PAK5: variants seen among roughly 807,000 people sequenced by gnomAD.
The protein encoded by PAK5 is serine/threonine-protein kinase PAK 5.
In PAK5, 16 loss-of-function variants were observed where a neutral mutation model predicts 65.9. That is an observed-to-expected ratio of 0.24 (90% confidence interval 0.16 to 0.37). PAK5 has a LOEUF of 0.37. PAK5 is among the 10% of genes least tolerant of loss of function. The pLI is 1.00. For synonymous variants in PAK5, 371 were observed against 354.9 expected (o/e 1.05, Z -0.51); for missense variants, 785 against 903.9 (o/e 0.87, Z 1.69).
chr20:9,739,724 A>G lies in PAK5; in HGVS notation c.-161-28289T>C, dbSNP rs73245022. Among the ~76,000 whole-genome samples the G allele has an allele frequency of 7.0e-3, 1,063 of 152,282 alleles. 15 individuals are homozygous for G. Among genetic ancestry groups the G allele is most frequent in the African/African-American group, 0.023 (948 of 41,556 alleles). ...TTGAATAATCAATAATTTTCCAAGCATAATTTGAGAGAATACAAGACTGAC... is the reference window on the plus strand; with the variant it reads ...TTGAATAATCAATAATTTTCCAAGCGTAATTTGAGAGAATACAAGACTGAC... On this transcript the variant is annotated intron_variant, in intron 1 of 9. Coordinates refer to ENST00000353224, the MANE Select transcript of PAK5 (RefSeq NM_177990.4).
chr20:9,755,528 C>T (rs1176623303), intron 1 of PAK5, among the ~76,000 whole-genome samples: 1 of 152,118 alleles, frequency 6.6e-6, no homozygotes, highest in African/African-American at 2.4e-5. Flanking sequence ...AAGTTTATGC[C>T]ATGAAGATGA....
intron 2 of PAK5, among the ~76,000 whole-genome samples, chr20:9,700,772 T>A (rs938002784): frequency 1.1e-4 from 17 of 152,164 alleles, no homozygotes; most frequent in African/African-American, 3.6e-4. Context: ...TTGAAACTCA[T>A]CCATCTCAAG....
intron 6 of PAK5, among the ~76,000 whole-genome samples, chr20:9,562,688 AG>A (rs2045609370): frequency 6.6e-6 from 1 of 152,168 alleles, no homozygotes; most frequent in Admixed American, 6.6e-5. Context: ...TGTCCTTCTG[AG>A]GGCAGGGAGA....
chr20:9,766,418 T>A lies in PAK5; in HGVS notation c.-161-54983A>T, dbSNP rs1324460184. ...TATATATTCAAGCAGAATATATATG[T>A]ATATATATATTCAAGCAGAATATAT... On this transcript the variant is annotated intron_variant, in intron 1 of 9. Transcript: ENST00000353224. 2.8e-3 allele frequency among the ~76,000 whole-genome samples: 121 copies of A among 43,168 alleles called. 6 individuals are homozygous for A. Among genetic ancestry groups the A allele is most frequent in the African/African-American group, 0.011 (58 of 5,464 alleles). The allele number at this position is 43,168 out of a possible 152,430, so 28.3% of individuals were successfully genotyped here. A position where few individuals can be genotyped will look rare whatever the true frequency, so the allele number is the denominator to read the frequency against.
At chr20:9,828,966 T>G (rs996615958) in intron 1 of PAK5, among the ~76,000 whole-genome samples, 1 of 152,152 alleles carries the variant, frequency 6.6e-6, no homozygotes, top group East Asian at 1.9e-4. Flanking sequence ...AATAGGGTAA[T>G]AGAAGAGTAG....
At chr20:9,590,553 G>A (rs2046150962) in intron 3 of PAK5, among the ~76,000 whole-genome samples, 1 of 150,964 alleles carries the variant, frequency 6.6e-6, no homozygotes, top group Non-Finnish European at 1.5e-5. Flanking sequence ...GCTGAACCCT[G>A]ATCTAGATAC....
At chr20:9,565,827 A>G in intron 5 of PAK5, 66 bp downstream of exon 5, 1 of 1,474,368 alleles carries the variant, frequency 6.8e-7, no homozygotes, top group Non-Finnish European at 9.3e-7. Context: ...GTACATGTGT[A>G]TAACTTTTGA....
intron 2 of PAK5, among the ~76,000 whole-genome samples, chr20:9,662,040 T>C (rs2047353751): frequency 6.6e-6 from 1 of 152,148 alleles, no homozygotes; most frequent in Admixed American, 6.5e-5. Flanking sequence ...AGCTTGGGGT[T>C]TATCTGTAGA....
chr20:9,594,982 G>GAT (rs1400465353), intron 3 of PAK5, among the ~76,000 whole-genome samples: 8 of 151,720 alleles, frequency 5.3e-5, no homozygotes, highest in African/African-American at 9.7e-5. Flanking sequence ...AGAATTTACT[G>GAT]ATATATATAA....
chr20:9,778,124 T>G (rs1040416156), intron 1 of PAK5, among the ~76,000 whole-genome samples: 3 of 152,228 alleles, frequency 2.0e-5, no homozygotes, highest in Non-Finnish European at 4.4e-5. Context: ...TTTAATTCAT[T>G]GATTTGGGTC....
In PAK5 at chr20:9,648,920, T is replaced by C. The variant is rs536805478; in HGVS notation, c.-11-4581A>G. On this transcript the variant is annotated intron_variant, in intron 2 of 9. Coordinates refer to ENST00000353224, the MANE Select transcript of PAK5 (RefSeq NM_177990.4). Reference sequence around the variant, plus strand: ...TCTGAGAAATTACAAACTGTGTCACTGAGCAGGTGAAGCTGAGCAGCCTCT... The same window carrying C: ...TCTGAGAAATTACAAACTGTGTCACCGAGCAGGTGAAGCTGAGCAGCCTCT... Among the ~76,000 whole-genome samples, 6 of 152,256 alleles carry C rather than the reference T, an allele frequency of 3.9e-5. No homozygotes were observed. The South Asian group carries it at 1.0e-3, about 26-fold the overall frequency.
At chr20:9,775,745 C>A (rs2048881015) in intron 1 of PAK5, among the ~76,000 whole-genome samples, 1 of 152,114 alleles carries the variant, frequency 6.6e-6, no homozygotes, top group African/African-American at 2.4e-5. Flanking sequence ...ACATACTTTT[C>A]TTTTAGACAG....
chr20:9,651,329 G>A (rs1010539452), intron 2 of PAK5, among the ~76,000 whole-genome samples: 19 of 152,154 alleles, frequency 1.2e-4, no homozygotes, highest in South Asian at 4.1e-4. Flanking sequence ...AGGATTTTAG[G>A]GAATGGAGTA....
intron 2 of PAK5, among the ~76,000 whole-genome samples, chr20:9,658,765 A>G (rs2047304318): frequency 6.6e-6 from 1 of 152,218 alleles, no homozygotes; most frequent in South Asian, 2.1e-4. Context: ...GCTAATTTCA[A>G]GCTACCAATG....
chr20:9,547,795 AT>A (rs1180672042), intron 7 of PAK5, among the ~76,000 whole-genome samples: 2 of 152,076 alleles, frequency 1.3e-5, no homozygotes, highest in African/African-American at 4.8e-5. Context: ...AGCTTGTTAG[AT>A]TTTCAGAACC....
At chr20:9,820,115 T>C (rs1182455820) in intron 1 of PAK5, among the ~76,000 whole-genome samples, 1 of 152,218 alleles carries the variant, frequency 6.6e-6, no homozygotes, top group Non-Finnish European at 1.5e-5. Context: ...GAGTTGGGTT[T>C]CTGCCCCTTT....
At chr20:9,592,271 T>A (rs1312303164) in intron 3 of PAK5, among the ~76,000 whole-genome samples, 7 of 152,180 alleles carry the variant, frequency 4.6e-5, no homozygotes, top group Non-Finnish European at 1.0e-4. Context: ...ATAGGTACAC[T>A]AGAAGCAGAA....
At chr20:9,665,067 G>A (rs2047396098) in intron 2 of PAK5, among the ~76,000 whole-genome samples, 1 of 97,852 alleles carries the variant, frequency 1.0e-5, no homozygotes, top group South Asian at 4.2e-4. Flanking sequence ...ACACCACCAT[G>A]CCCAGCTAAA....
intron 1 of PAK5, among the ~76,000 whole-genome samples, chr20:9,822,572 A>G (rs990547582): frequency 2.0e-5 from 3 of 152,216 alleles, no homozygotes; most frequent in African/African-American, 7.2e-5. Flanking sequence ...TCTTGTCTAC[A>G]CTAATAAATT....
Sources: allele counts gnomAD v4.1 joint callset (sites outside exome capture counted in the v4.1 genomes callset), GRCh38; gene constraint gnomAD v4.1.1; transcripts MANE v1.5; gene names NCBI Gene and HGNC (gene_info 2026-07-23, HGNC 2026-07-21).